The following MTAP variants were observed in gnomAD, a reference collection of about 807,000 sequenced individuals.
MTAP encodes S-methyl-5'-thioadenosine phosphorylase.
A neutral mutation model predicts 33.6 loss-of-function variants in MTAP; 33 were observed. That is an observed-to-expected ratio of 0.98 (90% CI 0.74 to 1.31). The LOEUF (loss-of-function observed/expected upper bound fraction) is 1.31. Among genes scored for constraint, MTAP ranks in the 40% most tolerant of loss-of-function variants. The pLI is 0.00. For synonymous variants in MTAP, 148 were observed against 125.7 expected, an observed-to-expected ratio of 1.18 and a Z score of -1.19; for missense variants, 367 against 360.0, an observed-to-expected ratio of 1.02 and a Z score of -0.16.
chr9:21,864,618 C>G lies in MTAP; in HGVS notation c.*2604C>G. The G allele has an allele frequency of 2.0e-6, 2 of 985,530 alleles. No individual in the cohort carries two copies. Among genetic ancestry groups the G allele is most frequent in the Non-Finnish European group, 2.4e-6 (2 of 830,006 alleles). 61.0% of individuals were successfully genotyped at this position (985,530 alleles called of 1,614,324 possible). On this transcript the variant is annotated 3_prime_UTR_variant, in exon 8 of 8. Coordinates refer to ENST00000644715, the MANE Select transcript of MTAP (RefSeq NM_002451.4). ...GGTCATGGTCCTTGTGACCTGGCCC[C>G]TGTTCACTGCCCCCTTCGCTAGCAC...
Position 21,924,420 on chromosome 9 carries a change from G to C in MTAP, c.148-6588G>C, listed in dbSNP as rs139899952. 3.9e-3 allele frequency among the ~76,000 whole-genome samples: 598 copies of C among 152,342 alleles called. 7 individuals are homozygous for C. Among genetic ancestry groups the C allele is most frequent in the African/African-American group, 0.013 (550 of 41,574 alleles). On this transcript the variant is annotated intron_variant, in intron 1 of 1. Coordinates refer to the MTAP transcript ENST00000577563. ...GCTCCAGGAGCAGGAATCTTGACCA[G>C]AAAGTGGAAGCATAAATTTTAAATT... is the stretch of plus-strand genomic sequence containing the variant.
At chr9:21,937,979 A>C (rs2131058903), downstream of MTAP, among the ~76,000 whole-genome samples, 1 of 152,164 alleles carries the variant, frequency 6.6e-6, no homozygotes, top group Non-Finnish European at 1.5e-5. Context: ...TCTCTACAAA[A>C]ATTAGCCTGG....
intron 1 of MTAP, among the ~76,000 whole-genome samples, chr9:21,804,755 C>G (rs1185586310): frequency 6.6e-6 from 1 of 152,188 alleles, no homozygotes; most frequent in Non-Finnish European, 1.5e-5. Flanking sequence ...ATCCATATAG[C>G]CACACAAACC....
At chr9:21,856,407 A>G (rs1825644308) in intron 6 of MTAP, among the ~76,000 whole-genome samples, 1 of 152,188 alleles carries the variant, frequency 6.6e-6, no homozygotes, top group Non-Finnish European at 1.5e-5. Flanking sequence ...CTTTTATGTA[A>G]GAGATTCGCA....
At position 21,916,367 on chromosome 9, in the gene MTAP, T is replaced by C. The variant is rs183565605; in HGVS notation, c.148-14641T>C. ...GCTCACGTCTGAAATCCCAGCACTT[T>C]AGGAGGCCGAGACGGGTGGATCACT... is the stretch of plus-strand genomic sequence containing the variant. On this transcript the variant is annotated intron_variant, in intron 1 of 1. Transcript: ENST00000577563. Among the ~76,000 whole-genome samples, 15 of 152,054 alleles carry C rather than the reference T, an allele frequency of 9.9e-5. No homozygotes were observed. In the East Asian group the frequency reaches 2.9e-3, roughly 29 times the overall value.
intron 5 of MTAP, among the ~76,000 whole-genome samples, chr9:21,844,841 C>T (rs1563843913): frequency 1.3e-5 from 2 of 152,116 alleles, no homozygotes; most frequent in South Asian, 2.1e-4. Flanking sequence ...ACCATCCTGG[C>T]TAACACGGTG....
At chr9:21,892,794 C>T (rs10115936) in intron 1 of MTAP, 3 of 152,104 alleles carry the variant, frequency 2.0e-5, no homozygotes, top group Non-Finnish European at 4.4e-5. Context: ...ACATCTGCAG[C>T]ACACTCCACC....
chr9:21,930,856 G>A (rs777474377), intron 1 of MTAP: 9 of 649,818 alleles, frequency 1.4e-5, no homozygotes, highest in African/African-American at 3.7e-5. Flanking sequence ...CAAGCCTCTC[G>A]TGGTTAGTTA....
chr9:21,816,663 A>C, intron 2 of MTAP, 51 bp from the exon 3 acceptor site: 1 of 1,513,148 alleles, frequency 6.6e-7, no homozygotes, highest in East Asian at 2.3e-5. Context: ...TATAATTTAC[A>C]TACCTGTTTT....
rs149631009 is a variant in MTAP at position 21,826,609 on chromosome 9, TTTATTATTATTA to T, written c.347+8437_347+8448del. 9.8e-4 allele frequency among the ~76,000 whole-genome samples: 138 copies of T among 140,882 alleles called. 3 individuals are homozygous for T. The highest frequency in any genetic ancestry group is 1.7e-3 in the Non-Finnish European group (110 of 65,754). The allele number at this position is 140,882 out of a possible 152,430, so 92.4% of individuals were successfully genotyped here. A position where few individuals can be genotyped will look rare whatever the true frequency, so the allele number is the denominator to read the frequency against. On this transcript the variant is annotated intron_variant, in intron 4 of 7. Coordinates refer to ENST00000644715, the MANE Select transcript of MTAP (RefSeq NM_002451.4). Reference sequence around the variant, plus strand: ...AGGTGCCAGAGGTGCTGGGGTTTTGTTTATTATTATTATTATTATTATTATTATTATTATTAT... The same window carrying T: ...AGGTGCCAGAGGTGCTGGGGTTTTGTTTATTATTATTATTATTATTATTAT...
At chr9:21,867,362 A>G (rs971106005), downstream of MTAP, among the ~76,000 whole-genome samples, 7 of 151,956 alleles carry the variant, frequency 4.6e-5, no homozygotes, top group East Asian at 1.9e-4. Context: ...TTTTATTCCT[A>G]TTTTGCCAAG....
chr9:21,870,634 A>G (rs1346273240), downstream of MTAP, among the ~76,000 whole-genome samples: 11 of 151,896 alleles, frequency 7.2e-5, no homozygotes, highest in Non-Finnish European at 1.3e-4. Flanking sequence ...ATTATTTATA[A>G]TATATTTTAA....
At chr9:21,852,957 T>C (rs534336845) in intron 5 of MTAP, among the ~76,000 whole-genome samples, 4 of 152,166 alleles carry the variant, frequency 2.6e-5, no homozygotes, top group Non-Finnish European at 5.9e-5. Flanking sequence ...GTTCAGTGAT[T>C]ACACGAGGTA....
intron 1 of MTAP, among the ~76,000 whole-genome samples, chr9:21,808,379 G>A (rs545800402): frequency 4.0e-5 from 6 of 151,524 alleles, no homozygotes; most frequent in South Asian, 2.1e-4. Flanking sequence ...GAGCTCAGGC[G>A]TTCAAGACCA....
chr9:21,937,379 A>T (rs1819058659), exon 8 of MTAP: 1 of 152,180 alleles, frequency 6.6e-6, no homozygotes, highest in Non-Finnish European at 1.5e-5. Flanking sequence ...AACTGATGCA[A>T]AACTAGAATT....
chr9:21,885,777 ATGGTGTG>A (rs1395031423), intron 1 of MTAP, among the ~76,000 whole-genome samples: 1 of 112,670 alleles, frequency 8.9e-6, no homozygotes. Flanking sequence ...GTAGTATTAC[ATGGTGTG>A]TGTGTGTGTG....
downstream of MTAP, among the ~76,000 whole-genome samples, chr9:21,869,287 A>T (rs1825900382): frequency 6.6e-6 from 1 of 152,148 alleles, no homozygotes; most frequent in African/African-American, 2.4e-5. Context: ...TTCAGCACCA[A>T]CAAGATTCTC....
At chr9:21,819,003 C>T (rs897505506) in intron 4 of MTAP, among the ~76,000 whole-genome samples, 1 of 152,126 alleles carries the variant, frequency 6.6e-6, no homozygotes, top group African/African-American at 2.4e-5. Context: ...TGAGATCATG[C>T]AGTATTTGTC....
chr9:21,804,374 C>G lies in MTAP; in HGVS notation c.33+1593C>G, dbSNP rs933299794. Among the ~76,000 whole-genome samples, 4 of 152,218 alleles carry G rather than the reference C, an allele frequency of 2.6e-5. No homozygotes were observed. In the South Asian group the frequency reaches 6.2e-4, roughly 24 times the overall value. On this transcript the variant is annotated intron_variant, in intron 1 of 7. Transcript: ENST00000644715. Reference sequence around the variant, plus strand: ...AACAGTCTTACTTTAATCTGGTTAGCATTCTCCCTGCCACAGGGTTTCCCT... The same window carrying G: ...AACAGTCTTACTTTAATCTGGTTAGGATTCTCCCTGCCACAGGGTTTCCCT...
Sources: gnomAD v4.1 joint callset for allele counts (sites outside exome capture counted in the v4.1 genomes callset) on GRCh38, gnomAD v4.1.1 for gene constraint, MANE v1.5 for transcripts, NCBI Gene and HGNC (gene_info 2026-07-23, HGNC 2026-07-21) for gene names.